The following TRPV1 variants were observed in gnomAD, a reference collection of about 807,000 sequenced individuals.
The protein encoded by TRPV1 is OTRPC1.
TRPV1 carries 82 observed loss-of-function variants against 82.3 expected under a neutral mutation model. That is an observed-to-expected ratio of 1.00 (90% CI 0.83 to 1.20). TRPV1 has a LOEUF of 1.20. TRPV1 is among the 50% of genes most tolerant of loss of function. The pLI is 0.00. For missense variants in TRPV1, 1,067 were observed against 1,096.8 expected, an observed-to-expected ratio of 0.97 and a Z score of 0.38; for synonymous variants, 515 against 467.7, an observed-to-expected ratio of 1.10 and a Z score of -1.30.
chr17:3,573,240 C>T (rs2074882525), intron 14 of TRPV1, among the ~76,000 whole-genome samples: 1 of 152,178 alleles, frequency 6.6e-6, no homozygotes, highest in South Asian at 2.1e-4. Flanking sequence ...GCCCACCTTA[C>T]ACCAGGCTCC....
chr17:3,574,102 T>A (rs1304483398), intron 13 of TRPV1, 147 bp from the exon 14 acceptor site: 11 of 677,800 alleles, frequency 1.6e-5, no homozygotes, highest in Non-Finnish European at 2.4e-5. Context: ...ATCAAAAAAA[T>A]TTTCATAGTA....
chr17:3,572,055 A>T, intron 15 of TRPV1, 67 bp downstream of exon 15: 2 of 1,572,026 alleles, frequency 1.3e-6, no homozygotes, highest in Non-Finnish European at 1.7e-6. Context: ...GCCCTGAGGC[A>T]GGCTCTGTGT....
chr17:3,577,659 T>C lies in TRPV1; in HGVS notation c.1652A>G (p.Asn551Ser), dbSNP rs1444497667. The C allele has an allele frequency of 1.3e-6, 2 of 1,587,212 alleles. No individual in the cohort carries two copies. The highest frequency in any genetic ancestry group is 1.7e-6 in the Non-Finnish European group (2 of 1,167,244). The change falls in exon 12 of 17, where the codon AAC (asparagine) becomes AGC (serine). Residue 551 changes from asparagine (N) to serine (S), a missense_variant. Physicochemically the swap from Asn to Ser is conservative, Grantham distance 46. Coordinates refer to ENST00000572705, the MANE Select transcript of TRPV1 (RefSeq NM_080704.4). ...MVFSLALGWT[N>S]MLYYTRGFQQ... is the part of the protein sequence containing the mutation. ...GAAACCGCGGGTGTAGTAGAGCATG[T>C]TGGTCCAGCCCAAGGCCAGGGAGAA...
chr17:3,583,267 G>A lies in TRPV1; in HGVS notation c.1476+71C>T, dbSNP rs2150839699. 6.1e-6 allele frequency: 8 copies of A among 1,317,168 alleles called. No homozygotes were observed. In the South Asian group the frequency reaches 6.4e-5, roughly 11 times the overall value. 81.6% of individuals were successfully genotyped at this position (1,317,168 alleles called of 1,614,324 possible). A position where few individuals can be genotyped will look rare whatever the true frequency, so the allele number is the denominator to read the frequency against. On this transcript the variant is annotated intron_variant, in intron 10 of 16. Coordinates refer to ENST00000572705, the MANE Select transcript of TRPV1 (RefSeq NM_080704.4). ...GTCTGATGAATTAAAAAGTGAGTGA[G>A]CGCTGAGGGATCTTCTTGGCTTTTT...
intron 8 of TRPV1, among the ~76,000 whole-genome samples, chr17:3,586,560 T>C (rs2075087339): frequency 6.6e-6 from 1 of 152,168 alleles, no homozygotes. Flanking sequence ...TCACTTGAAG[T>C]CTGGAGTTCA....
intron 11 of TRPV1, among the ~76,000 whole-genome samples, chr17:3,579,943 G>A (rs115349564): frequency 0.013 from 1,336 of 104,214 alleles, 15 homozygotes; most frequent in East Asian, 0.068. Context: ...AGCTCCAGGC[G>A]ACTGGGGGAT....
chr17:3,573,666 G>C lies in TRPV1; in HGVS notation c.2070C>G (p.Ile690Met), dbSNP rs200749766. ...IALMGETVNK[I>M]AQESKNIWKL... ...TCCAGATGTTCTTGCTCTCCTGTGC[G>C]ATCTTGTTGACAGTCTCACCCATGA... Residue 690 changes from isoleucine (I) to methionine (M), a missense_variant, in exon 14 of 17, where the codon ATC becomes ATG. By Grantham distance (10) the Ile-to-Met change is conservative. Transcript: ENST00000572705. 1 of 1,613,730 alleles carries C rather than the reference G, an allele frequency of 6.2e-7. No individual in the cohort carries two copies. Among genetic ancestry groups the C allele is most frequent in the Non-Finnish European group, 8.5e-7 (1 of 1,179,972 alleles).
Position 3,577,151 on chromosome 17 carries a change from G to C in TRPV1, c.1755C>G (p.Ile585Met). 6.3e-7 allele frequency: 1 copy of C among 1,589,506 alleles called. No homozygotes were observed. The highest frequency in any genetic ancestry group is 1.2e-5 in the South Asian group (1 of 86,778). ...RDLCRFMFVY[I>M]VFLFGFSTAV... is the part of the protein sequence containing the mutation. Reference sequence around the variant, plus strand: ...CTGTGGAAAACCCGAACAAGAAGACGATGTAGACAAACATGAAACGGCACA... The same window carrying C: ...CTGTGGAAAACCCGAACAAGAAGACCATGTAGACAAACATGAAACGGCACA... The change falls in exon 13 of 17, where the codon ATC becomes ATG. Residue 585 changes from isoleucine (I) to methionine (M), a missense_variant. Coordinates refer to ENST00000572705, the MANE Select transcript of TRPV1 (RefSeq NM_080704.4).
At chr17:3,591,895 G>A (rs372329149) in intron 3 of TRPV1, among the ~76,000 whole-genome samples, 172 bp downstream of exon 3, 5 of 152,264 alleles carry the variant, frequency 3.3e-5, no homozygotes, top group African/African-American at 9.6e-5. Context: ...ACCAGCCCCC[G>A]TGACTGCACA....
rs550961461 is a variant in TRPV1, at chr17:3,581,982, A to C, written c.1476+1356T>G. Among the ~76,000 whole-genome samples the C allele has an allele frequency of 1.0e-4, 15 of 147,974 alleles. 1 individual carries two copies. The highest frequency in any genetic ancestry group is 4.8e-4 in the Admixed American group (7 of 14,686). ...AAGGTGGGCGGATCACGAGGTCAGG[A>C]GATCGAGACCATCCTGGCTAACACG... On this transcript the variant is annotated intron_variant, in intron 10 of 16. Coordinates refer to ENST00000572705, the MANE Select transcript of TRPV1 (RefSeq NM_080704.4).
intron 16 of TRPV1, among the ~76,000 whole-genome samples, chr17:3,570,264 G>A (rs2074835016): frequency 1.3e-5 from 2 of 151,980 alleles, no homozygotes; most frequent in African/African-American, 4.8e-5. Flanking sequence ...CAGCTACTCG[G>A]GAGACTGAGG....
At chr17:3,577,923 AAG>A in intron 11 of TRPV1, 160 bp from the exon 12 acceptor site, 1 of 643,684 alleles carries the variant, frequency 1.6e-6, no homozygotes, top group South Asian at 2.0e-5. Context: ...TTCTCCGTGG[AAG>A]CAGCATCGTC....
At chr17:3,601,689 TG>T (rs2075264473) in intron 2 of TRPV1, 1 of 151,410 alleles carries the variant, frequency 6.6e-6, no homozygotes, top group Admixed American at 6.6e-5. Flanking sequence ...CTCCACCTCC[TG>T]GACTCAAAGG....
intron 2 of TRPV1, among the ~76,000 whole-genome samples, chr17:3,600,420 T>C (rs894632379): frequency 6.6e-6 from 1 of 152,072 alleles, no homozygotes; most frequent in Non-Finnish European, 1.5e-5. Flanking sequence ...GAACCTTGTC[T>C]CTACTAAAAA....
Position 3,585,864 on chromosome 17 carries a change from T to C in TRPV1, c.1287A>G (p.Arg429=). ...TGAAGTAGAAGATGCGCTTGACGAA[T>C]CTGTCCCACTTGTCCTGCAGGAGTC... ...LNRLLQDKWD[R]FVKRIFYFNF... Residue 429 remains arginine (R), a synonymous_variant, in exon 9 of 17, where the codon AGA becomes AGG. Transcript: ENST00000572705. The C allele has an allele frequency of 6.2e-6, 10 of 1,613,934 alleles. No homozygotes were observed. The highest frequency in any genetic ancestry group is 8.5e-6 in the Non-Finnish European group (10 of 1,179,862).
Position 3,591,197 on chromosome 17 carries a change from G to C in TRPV1, c.441C>G (p.Asn147Lys). 1.2e-6 allele frequency: 2 copies of C among 1,610,090 alleles called. No homozygotes were observed. Among genetic ancestry groups the C allele is most frequent in the Middle Eastern group, 1.7e-4 (1 of 6,058 alleles). ...CAGCGCTGGGGCCACCTTTGAACTC[G>C]TTGTCTGTGAGGTGCTTCTTGCTCT... is the stretch of plus-strand genomic sequence containing the variant. ...LQKSKKHLTD[N>K]EFKDPETGKT... Residue 147 changes from asparagine to lysine, a missense_variant, in exon 4 of 17, where the codon AAC (asparagine) becomes AAG (lysine). Coordinates refer to ENST00000572705, the MANE Select transcript of TRPV1 (RefSeq NM_080704.4).
intron 13 of TRPV1, among the ~76,000 whole-genome samples, chr17:3,576,618 C>T (rs865911361): frequency 1.1e-4 from 15 of 141,826 alleles, no homozygotes; most frequent in Admixed American, 1.5e-4. Flanking sequence ...CGCCACTGCA[C>T]GCCAGCCTGG....
At chr17:3,584,514 C>T (rs1414898513) in intron 9 of TRPV1, among the ~76,000 whole-genome samples, 2 of 150,630 alleles carry the variant, frequency 1.3e-5, no homozygotes, top group Non-Finnish European at 3.0e-5. Context: ...AGTAAATGTG[C>T]AGCCGGGCAC....
intron 2 of TRPV1, among the ~76,000 whole-genome samples, chr17:3,595,044 C>T (rs753896401): frequency 2.6e-5 from 4 of 151,800 alleles, no homozygotes; most frequent in African/African-American, 9.7e-5. Flanking sequence ...CCTGGGGGGC[C>T]GGGTGCTAGT....
Sources: gnomAD v4.1 joint callset for allele counts (sites outside exome capture counted in the v4.1 genomes callset) on GRCh38, gnomAD v4.1.1 for gene constraint, MANE v1.5 for transcripts, NCBI Gene and HGNC (gene_info 2026-07-23, HGNC 2026-07-21) for gene names.